SDK1: variants seen among roughly 807,000 people sequenced by gnomAD.
The protein encoded by SDK1 is protein sidekick-1.
SDK1 carries 157 observed loss-of-function variants against 245.5 expected under a neutral mutation model. That is an observed-to-expected ratio of 0.64 (90% CI 0.56 to 0.73). The LOEUF (loss-of-function observed/expected upper bound fraction) is 0.73. Ranked by LOEUF, SDK1 falls within the 30% of genes least tolerant of loss-of-function variation. The pLI is 0.00. For synonymous variants in SDK1, 1,647 were observed against 1,278.5 expected (o/e 1.29, Z -6.15); for missense variants, 3,583 against 3,002.3 (o/e 1.19, Z -4.52).
chr7:3,725,168 T>C (rs1457924111), intron 4 of SDK1, among the ~76,000 whole-genome samples: 1 of 152,198 alleles, frequency 6.6e-6, no homozygotes, highest in Admixed American at 6.5e-5. Context: ...AAGGAATTGC[T>C]AGGGACTTTC....
At chr7:3,626,087 A>G (rs1220382387) in intron 2 of SDK1, among the ~76,000 whole-genome samples, 1 of 151,626 alleles carries the variant, frequency 6.6e-6, no homozygotes, top group African/African-American at 2.4e-5. Flanking sequence ...GGGATCACAA[A>G]TGGGTGCCAC....
At chr7:4,135,087 T>C (rs1778976630) in intron 28 of SDK1, among the ~76,000 whole-genome samples, 1 of 152,224 alleles carries the variant, frequency 6.6e-6, no homozygotes, top group African/African-American at 2.4e-5. Context: ...TGAGGCCCGC[T>C]GTCCACTGAG....
chr7:3,481,184 GT>G (rs1371561395), intron 1 of SDK1, among the ~76,000 whole-genome samples: 3 of 152,070 alleles, frequency 2.0e-5, no homozygotes, highest in African/African-American at 7.2e-5. Flanking sequence ...TTAAAAAGTT[GT>G]TTTTTGGGCA....
At chr7:3,414,181 G>T (rs1285348439) in intron 1 of SDK1, among the ~76,000 whole-genome samples, 4 of 152,142 alleles carry the variant, frequency 2.6e-5, no homozygotes. Context: ...AGGACTCCTA[G>T]AATTTTGGCT....
chr7:3,429,892 A>G (rs1185994505), intron 1 of SDK1, among the ~76,000 whole-genome samples: 1 of 152,138 alleles, frequency 6.6e-6, no homozygotes, highest in Non-Finnish European at 1.5e-5. Flanking sequence ...TGACAGATAT[A>G]GAGACACATA....
intron 4 of SDK1, among the ~76,000 whole-genome samples, chr7:3,737,836 G>A (rs1478841515): frequency 6.6e-6 from 1 of 152,188 alleles, no homozygotes; most frequent in Non-Finnish European, 1.5e-5. Context: ...CATAGCTTAG[G>A]GGAAGTCTCT....
chr7:3,899,293 C>A (rs986761321), intron 5 of SDK1, among the ~76,000 whole-genome samples: 1 of 152,194 alleles, frequency 6.6e-6, no homozygotes, highest in East Asian at 1.9e-4. Flanking sequence ...CATGACACAT[C>A]TGTCCTTGCC....
chr7:4,075,260 T>G (rs1272194019), intron 20 of SDK1, among the ~76,000 whole-genome samples: 1 of 152,136 alleles, frequency 6.6e-6, no homozygotes, highest in Non-Finnish European at 1.5e-5. Context: ...GGGAGTCCCC[T>G]CAGCCCGCAC....
chr7:4,055,744 C>T (rs1735863672), intron 19 of SDK1, among the ~76,000 whole-genome samples: 1 of 151,972 alleles, frequency 6.6e-6, no homozygotes, highest in Non-Finnish European at 1.5e-5. Context: ...AAGACCTTTC[C>T]TTGTTTCCAG....
At chr7:4,083,690 T>G in intron 22 of SDK1, among the ~76,000 whole-genome samples, 2 of 1,988 alleles carry the variant, frequency 1.0e-3, no homozygotes, top group South Asian at 0.022. Flanking sequence ...CCTTCACTTC[T>G]TCCCTCCCTC....
chr7:3,341,570 G>GA (rs1005451797), intron 1 of SDK1, among the ~76,000 whole-genome samples: 22 of 151,850 alleles, frequency 1.4e-4, no homozygotes, highest in Admixed American at 3.3e-4. Context: ...AAGAAATCTA[G>GA]AAAAAAAACT....
chr7:3,516,148 T>C (rs894622678), intron 1 of SDK1, among the ~76,000 whole-genome samples: 37 of 151,126 alleles, frequency 2.4e-4, no homozygotes, highest in African/African-American at 8.7e-4. Flanking sequence ...CTCAAAAATA[T>C]ACATTTGCAT....
At chr7:4,129,882 A>G in intron 26 of SDK1, 26 bp from the exon 27 acceptor site, 1 of 1,611,348 alleles carries the variant, frequency 6.2e-7, no homozygotes, top group East Asian at 2.2e-5. Flanking sequence ...CCTCCTGATA[A>G]CCCTCGTGCT....
intron 8 of SDK1, among the ~76,000 whole-genome samples, chr7:3,959,462 G>A (rs1781506895): frequency 6.6e-6 from 1 of 152,218 alleles, no homozygotes; most frequent in Non-Finnish European, 1.5e-5. Flanking sequence ...TGAGGTACAA[G>A]GCAATTTTGT....
chr7:4,009,883 C>T lies in SDK1; in HGVS notation c.2132-1083C>T, dbSNP rs956898157. 4.6e-5 allele frequency among the ~76,000 whole-genome samples: 7 copies of T among 152,156 alleles called. No individual in the cohort carries two copies. The East Asian group carries it at 5.8e-4, about 13-fold the overall frequency. ...AGCTGGAGTGCATTTCCAATGAGCTCGCAGGCGCAGACTTACGAATCCCCG... is the reference window on the plus strand; with the variant it reads ...AGCTGGAGTGCATTTCCAATGAGCTTGCAGGCGCAGACTTACGAATCCCCG... On this transcript the variant is annotated intron_variant, in intron 14 of 44. Coordinates refer to ENST00000404826, the MANE Select transcript of SDK1 (RefSeq NM_152744.4).
intron 17 of SDK1, among the ~76,000 whole-genome samples, chr7:4,023,919 A>G (rs534222648): frequency 2.6e-5 from 4 of 152,282 alleles, no homozygotes; most frequent in Non-Finnish European, 5.9e-5. Context: ...GTCCTAAAAC[A>G]AGCCTGTATG....
intron 4 of SDK1, among the ~76,000 whole-genome samples, chr7:3,734,441 T>G (rs1311022086): frequency 6.6e-6 from 1 of 152,240 alleles, no homozygotes; most frequent in Non-Finnish European, 1.5e-5. Flanking sequence ...TTTTAGACTT[T>G]AATCCACTTA....
In SDK1 at chr7:4,266,237, T is replaced by C; in HGVS notation, c.*853T>C. 1.0e-6 allele frequency: 1 copy of C among 985,428 alleles called. No individual in the cohort carries two copies. Among genetic ancestry groups the C allele is most frequent in the Non-Finnish European group, 1.2e-6 (1 of 829,898 alleles). 61.0% of individuals were successfully genotyped at this position (985,428 alleles called of 1,614,324 possible). On this transcript the variant is annotated 3_prime_UTR_variant, in exon 45 of 45. Transcript: ENST00000404826. ...TTGCTTGTTACGTAGGAAGCGTGCA[T>C]TGTTAACCAGAGTATTTTTAAAATC...
At chr7:3,344,796 G>T (rs1238645605) in intron 1 of SDK1, among the ~76,000 whole-genome samples, 1 of 152,180 alleles carries the variant, frequency 6.6e-6, no homozygotes, top group East Asian at 1.9e-4. Flanking sequence ...AGTTCTGAGA[G>T]AATGAACGTA....
Sources: gnomAD v4.1 joint callset for allele counts (sites outside exome capture counted in the v4.1 genomes callset) on GRCh38, gnomAD v4.1.1 for gene constraint, MANE v1.5 for transcripts, NCBI Gene and HGNC (gene_info 2026-07-23, HGNC 2026-07-21) for gene names.